The following PLPPR5 variants were observed in gnomAD, a reference collection of about 807,000 sequenced individuals.
PLPPR5 encodes phospholipid phosphatase related 5.
In PLPPR5, 16 loss-of-function variants were observed where a neutral mutation model predicts 33.9. The observed-to-expected ratio is 0.47, with a 90% CI of 0.32 to 0.72. The LOEUF is 0.72. Ranked by LOEUF, PLPPR5 falls within the 30% of genes least tolerant of loss-of-function variation. The pLI is 0.03. For synonymous variants in PLPPR5, 163 were observed against 150.3 expected (o/e 1.08, Z -0.62); for missense variants, 301 against 406.7 (o/e 0.74, Z 2.23).
chr1:98,978,790 G>A (rs1188559089), intron 1 of PLPPR5, among the ~76,000 whole-genome samples: 1 of 151,928 alleles, frequency 6.6e-6, no homozygotes, highest in Non-Finnish European at 1.5e-5. Flanking sequence ...ATATCATAAG[G>A]AAACTGAGAA....
At chr1:98,925,456 C>A (rs2101167326) in intron 3 of PLPPR5, among the ~76,000 whole-genome samples, 1 of 152,236 alleles carries the variant, frequency 6.6e-6, no homozygotes, top group Non-Finnish European at 1.5e-5. Context: ...TGTTAAGAGC[C>A]TGGTGTATAT....
chr1:98,933,777 G>A (rs1650072512), intron 3 of PLPPR5, among the ~76,000 whole-genome samples: 1 of 152,152 alleles, frequency 6.6e-6, no homozygotes, highest in African/African-American at 2.4e-5. Flanking sequence ...GGGCTGCCAG[G>A]GATGGGGTTG....
intron 3 of PLPPR5, among the ~76,000 whole-genome samples, chr1:98,941,946 A>G (rs1345774553): frequency 6.6e-6 from 1 of 151,504 alleles, no homozygotes; most frequent in South Asian, 2.1e-4. Flanking sequence ...TCCTCAATTT[A>G]GAAGGAGTTT....
At chr1:98,949,432 G>T (rs1370606091) in intron 3 of PLPPR5, among the ~76,000 whole-genome samples, 1 of 152,074 alleles carries the variant, frequency 6.6e-6, no homozygotes, top group East Asian at 1.9e-4. Flanking sequence ...ATATTTCTCA[G>T]TTATTATTTA....
At chr1:98,999,604 ACAC>A (rs1652751946) in intron 1 of PLPPR5, among the ~76,000 whole-genome samples, 1 of 152,212 alleles carries the variant, frequency 6.6e-6, no homozygotes, top group Non-Finnish European at 1.5e-5. Context: ...TTTTTCTCCT[ACAC>A]CACACCACGG....
chr1:98,974,243 T>C (rs941834519), intron 1 of PLPPR5, among the ~76,000 whole-genome samples: 1 of 151,828 alleles, frequency 6.6e-6, no homozygotes, highest in African/African-American at 2.4e-5. Flanking sequence ...AAGACAGGGG[T>C]CCTCGATCAG....
At chr1:98,986,316 T>C (rs1652263134) in intron 1 of PLPPR5, among the ~76,000 whole-genome samples, 1 of 151,780 alleles carries the variant, frequency 6.6e-6, no homozygotes, top group Non-Finnish European at 1.5e-5. Flanking sequence ...AACACATAAT[T>C]TTAAAAATTA....
chr1:98,914,923 A>G lies in PLPPR5; in HGVS notation c.799-3T>C. On this transcript the variant is annotated splice_region_variant and splice_polypyrimidine_tract_variant and intron_variant, in intron 4 of 5. Coordinates refer to ENST00000263177, the MANE Select transcript of PLPPR5 (RefSeq NM_001037317.2). ...AAATTATTCACCACGCACACAACCT[A>G]AAATTTCAGAAGACAATTACAGTTA... 6.2e-7 allele frequency: 1 copy of G among 1,608,864 alleles called. No individual in the cohort carries two copies. The highest frequency in any genetic ancestry group is 1.1e-5 in the South Asian group (1 of 90,828).
At chr1:98,994,127 A>C (rs1449795432) in intron 1 of PLPPR5, among the ~76,000 whole-genome samples, 1 of 151,934 alleles carries the variant, frequency 6.6e-6, no homozygotes, top group Non-Finnish European at 1.5e-5. Context: ...CCTTAATCTC[A>C]AGGTATGGTG....
At chr1:98,975,750 G>A (rs1239977000) in intron 1 of PLPPR5, among the ~76,000 whole-genome samples, 1 of 151,928 alleles carries the variant, frequency 6.6e-6, no homozygotes, top group Non-Finnish European at 1.5e-5. Flanking sequence ...GACACTTCCC[G>A]ATTTCCAGCA....
intron 4 of PLPPR5, 143 bp downstream of exon 4, chr1:98,921,739 A>G (rs1162692169): frequency 9.3e-6 from 6 of 648,524 alleles, no homozygotes; most frequent in African/African-American, 7.4e-5. Flanking sequence ...AATGACTTAA[A>G]TGATTTGTTT....
intron 3 of PLPPR5, among the ~76,000 whole-genome samples, chr1:98,926,305 G>A (rs1649762243): frequency 2.0e-5 from 3 of 152,128 alleles, no homozygotes; most frequent in Admixed American, 2.0e-4. Context: ...GAGTGCAGTT[G>A]AGATTTTTCC....
intron 1 of PLPPR5, among the ~76,000 whole-genome samples, chr1:98,971,830 T>C (rs1651672915): frequency 6.6e-6 from 1 of 152,060 alleles, no homozygotes; most frequent in Non-Finnish European, 1.5e-5. Flanking sequence ...AAAAACAGAA[T>C]TAGTCTTTCT....
Position 98,944,747 on chromosome 1 carries a change from G to C in PLPPR5, c.621+8323C>G, listed in dbSNP as rs72977862. Among the ~76,000 whole-genome samples, 157 of 152,298 alleles carry C rather than the reference G, an allele frequency of 1.0e-3. 1 individual carries two copies. The highest frequency in any genetic ancestry group is 3.7e-3 in the African/African-American group (152 of 41,576). ...AAGGGCTCTGCAGCAGCAGGTACAGGCTGTGGGGAAAGCAGCTCTGGTACC... is the reference window on the plus strand; with the variant it reads ...AAGGGCTCTGCAGCAGCAGGTACAGCCTGTGGGGAAAGCAGCTCTGGTACC... On this transcript the variant is annotated intron_variant, in intron 3 of 5. Coordinates refer to ENST00000263177, the MANE Select transcript of PLPPR5 (RefSeq NM_001037317.2).
At chr1:98,958,238 G>C (rs574666480) in intron 1 of PLPPR5, among the ~76,000 whole-genome samples, 6 of 152,328 alleles carry the variant, frequency 3.9e-5, no homozygotes, top group African/African-American at 1.4e-4. Flanking sequence ...TCTATGAAAA[G>C]TAGTATCTAT....
At chr1:99,002,861 A>T (rs922774747) in intron 1 of PLPPR5, among the ~76,000 whole-genome samples, 2 of 151,802 alleles carry the variant, frequency 1.3e-5, no homozygotes, top group African/African-American at 4.8e-5. Context: ...TCTTTAAAAC[A>T]ATCCTTGAAA....
At chr1:98,909,829 C>T (rs1449222112) in intron 5 of PLPPR5, among the ~76,000 whole-genome samples, 1 of 147,392 alleles carries the variant, frequency 6.8e-6, no homozygotes, top group Non-Finnish European at 1.5e-5. Context: ...TTACTAGTAA[C>T]CTGAATATTT....
At chr1:99,001,612 T>C (rs1652846259) in intron 1 of PLPPR5, among the ~76,000 whole-genome samples, 1 of 145,286 alleles carries the variant, frequency 6.9e-6, no homozygotes, top group African/African-American at 2.5e-5. Flanking sequence ...ACTGTGGTAG[T>C]GAGGAGAACG....
intron 3 of PLPPR5, among the ~76,000 whole-genome samples, chr1:98,925,626 T>G (rs1243955047): frequency 6.6e-6 from 1 of 152,218 alleles, no homozygotes; most frequent in Admixed American, 6.5e-5. Context: ...ACATCCTTTT[T>G]TGTGTAAATT....
Sources: gnomAD v4.1 joint callset for allele counts (sites outside exome capture counted in the v4.1 genomes callset) on GRCh38, gnomAD v4.1.1 for gene constraint, MANE v1.5 for transcripts, NCBI Gene and HGNC (gene_info 2026-07-23, HGNC 2026-07-21) for gene names.